HNF4A: variants seen among roughly 807,000 people sequenced by gnomAD.
HNF4A encodes the protein hepatocyte nuclear factor 4 alpha.
In HNF4A, 15 loss-of-function variants were observed where a neutral mutation model predicts 52.4. The ratio of observed to expected loss-of-function variants is 0.29; its 90% confidence interval spans 0.19 to 0.44. The LOEUF (loss-of-function observed/expected upper bound fraction) is 0.44, where lower values mean the gene tolerates loss of function less well. Among genes scored for constraint, HNF4A ranks in the 20% least tolerant of loss-of-function variants. The pLI, the probability that HNF4A is intolerant of heterozygous loss-of-function variation, is 1.00. For synonymous variants in HNF4A, 280 were observed against 264.4 expected, an observed-to-expected ratio of 1.06 and a Z score of -0.57; for missense variants, 479 against 647.2, an observed-to-expected ratio of 0.74 and a Z score of 2.82.
rs199783865 is a variant in HNF4A, at chr20:44,361,678, A to AAAACC, written c.49+5834_49+5838dup. On this transcript the variant is annotated intron_variant, in intron 1 of 9. Coordinates refer to the HNF4A transcript ENST00000316673. ...GGCGACAGGAGTCAGACTATGTCTC[A>AAAACC]AAACCAAACCAAAACAAAACAAAAC... 1.7e-3 allele frequency among the ~76,000 whole-genome samples: 259 copies of AAAACC among 152,140 alleles called. 3 individuals carry two copies. The East Asian group carries it at 0.041, about 24-fold the overall frequency.
At chr20:44,401,581 G>A in intron 1 of HNF4A, 2 of 1,480,082 alleles carry the variant, frequency 1.4e-6, no homozygotes. Context: ...GGGGTGGGAG[G>A]AGAATGATAC....
intron 6 of HNF4A, among the ~76,000 whole-genome samples, chr20:44,418,985 A>G (rs1396294226): frequency 6.6e-6 from 1 of 152,126 alleles, no homozygotes; most frequent in Non-Finnish European, 1.5e-5. Flanking sequence ...CATGTTGACC[A>G]GGCTGGTCTC....
At chr20:44,361,886 G>A (rs1043810666) in intron 1 of HNF4A, among the ~76,000 whole-genome samples, 2 of 152,234 alleles carry the variant, frequency 1.3e-5, no homozygotes, top group South Asian at 4.1e-4. Context: ...TGACCTTGGA[G>A]GAGTAGACTG....
intron 8 of HNF4A, 39 bp from the exon 9 acceptor site, chr20:44,428,296 C>T (rs746802733): frequency 1.2e-6 from 2 of 1,611,072 alleles, no homozygotes; most frequent in Admixed American, 1.7e-5. Context: ...AGGTCTGCAT[C>T]CCAGACTCTC....
chr20:44,429,256 T>C (rs2063847724), intron 9 of HNF4A, among the ~76,000 whole-genome samples: 1 of 152,148 alleles, frequency 6.6e-6, no homozygotes, highest in African/African-American at 2.4e-5. Flanking sequence ...AGTCCAAGTC[T>C]GCATATCAAA....
At chr20:44,418,756 G>A (rs983668830) in intron 6 of HNF4A, among the ~76,000 whole-genome samples, 3 of 152,172 alleles carry the variant, frequency 2.0e-5, no homozygotes, top group Non-Finnish European at 4.4e-5. Flanking sequence ...AGCACGATCA[G>A]GGTTATCCCT....
intron 7 of HNF4A, among the ~76,000 whole-genome samples, chr20:44,422,357 G>A (rs530390180): frequency 1.3e-4 from 20 of 152,234 alleles, no homozygotes; most frequent in East Asian, 1.9e-4. Flanking sequence ...TTGAAGGGGC[G>A]GGGGACCTAG....
intron 1 of HNF4A, among the ~76,000 whole-genome samples, chr20:44,362,013 G>A (rs2062922627): frequency 6.6e-6 from 1 of 152,126 alleles, no homozygotes; most frequent in African/African-American, 2.4e-5. Context: ...GCCACACACT[G>A]CTCTGATTTT....
chr20:44,417,950 C>T (rs2063688054), intron 5 of HNF4A, among the ~76,000 whole-genome samples: 1 of 145,420 alleles, frequency 6.9e-6, no homozygotes, highest in Admixed American at 7.0e-5. Context: ...GCCTGGGTGA[C>T]AGAGTGAGAC....
chr20:44,390,230 C>T (rs533771494), intron 1 of HNF4A, among the ~76,000 whole-genome samples: 6 of 152,268 alleles, frequency 3.9e-5, no homozygotes, highest in Middle Eastern at 3.4e-3. Flanking sequence ...GAAACACGCT[C>T]AGAAAGGTGA....
chr20:44,389,442 T>C (rs955080019), intron 1 of HNF4A, among the ~76,000 whole-genome samples: 4 of 152,206 alleles, frequency 2.6e-5, no homozygotes, highest in African/African-American at 9.6e-5. Flanking sequence ...TGGGACACGC[T>C]CATACTAACG....
chr20:44,421,735 C>T (rs749860341), intron 7 of HNF4A, among the ~76,000 whole-genome samples: 2 of 148,700 alleles, frequency 1.3e-5, no homozygotes, highest in African/African-American at 2.5e-5. Context: ...GCCTGGGCAA[C>T]AAGAGCAAAA....
chr20:44,371,516 G>A (rs1018722668), intron 1 of HNF4A, among the ~76,000 whole-genome samples: 1 of 152,036 alleles, frequency 6.6e-6, no homozygotes, highest in African/African-American at 2.4e-5. Context: ...GCAAGATTCT[G>A]TCTCTACAAA....
intron 3 of HNF4A, among the ~76,000 whole-genome samples, chr20:44,410,400 G>A (rs1885088): frequency 0.15 from 22,313 of 152,158 alleles, 2,068 homozygotes; most frequent in Non-Finnish European, 0.21. Context: ...TTTTGAGAAC[G>A]GGCCAGAGTG....
chr20:44,376,748 A>T (rs144184314), intron 1 of HNF4A, among the ~76,000 whole-genome samples: 6 of 152,310 alleles, frequency 3.9e-5, no homozygotes, highest in Admixed American at 3.9e-4. Flanking sequence ...CAGTTCTACC[A>T]TACGTGGCTA....
intron 1 of HNF4A, among the ~76,000 whole-genome samples, chr20:44,393,224 A>G (rs888910098): frequency 6.6e-5 from 10 of 152,190 alleles, no homozygotes; most frequent in African/African-American, 2.4e-4. Context: ...TAAATTCAGG[A>G]ACATAAACAG....
intron 1 of HNF4A, among the ~76,000 whole-genome samples, chr20:44,360,627 G>A (rs4812829): frequency 0.19 from 28,926 of 152,136 alleles, 3,522 homozygotes; most frequent in East Asian, 0.44. Flanking sequence ...GCATCTTCAA[G>A]TGCTCTAAAC....
chr20:44,396,523 C>A (rs2063354736), upstream of HNF4A, among the ~76,000 whole-genome samples: 1 of 152,118 alleles, frequency 6.6e-6, no homozygotes. Flanking sequence ...CTGGAATCTG[C>A]TGCCTCTTGA....
intron 1 of HNF4A, among the ~76,000 whole-genome samples, chr20:44,393,144 C>T (rs2063320439): frequency 6.6e-6 from 1 of 152,202 alleles, no homozygotes; most frequent in South Asian, 2.1e-4. Flanking sequence ...CAGGCAGGGG[C>T]TCCCATCAGC....
Sources: gnomAD v4.1 joint callset for allele counts (sites outside exome capture counted in the v4.1 genomes callset) on GRCh38, gnomAD v4.1.1 for gene constraint, MANE v1.5 for transcripts, NCBI Gene and HGNC (gene_info 2026-07-23, HGNC 2026-07-21) for gene names.